The following LARP7 variants were observed in gnomAD, a reference collection of about 807,000 sequenced individuals.
LARP7 encodes La ribonucleoprotein 7, transcriptional regulator, also known as la-related protein 7.
LARP7 carries 52 observed loss-of-function variants against 69.3 expected under a neutral mutation model. That is an observed-to-expected ratio of 0.75 (90% CI 0.60 to 0.95). The LOEUF (loss-of-function observed/expected upper bound fraction) is 0.95, where lower values mean the gene tolerates loss of function less well. LARP7 is among the 40% of genes least tolerant of loss of function. LARP7 has a pLI of 0.00. For synonymous variants in LARP7, 254 were observed against 215.9 expected (o/e 1.18, Z -1.55); for missense variants, 733 against 673.0 (o/e 1.09, Z -0.99).
At chr4:112,644,945 C>CATT in intron 2 of LARP7, 74 bp downstream of exon 2, 1 of 165,084 alleles carries the variant, frequency 6.1e-6, no homozygotes, top group African/African-American at 3.5e-5. Flanking sequence ...ATAATATATT[C>CATT]TTTTTTTTTT....
intron 2 of LARP7, 44 bp from the exon 3 acceptor site, chr4:112,646,307 A>G: frequency 1.0e-6 from 1 of 989,568 alleles, no homozygotes. Context: ...AATTGAATTA[A>G]TCCTGCTGAT....
At chr4:112,637,668 T>TA (rs1483484735) in intron 1 of LARP7, 2 of 152,062 alleles carry the variant, frequency 1.3e-5, no homozygotes, top group Non-Finnish European at 2.9e-5. Flanking sequence ...CCTCAAAGAG[T>TA]AAAAAATCCA....
Position 112,657,354 on chromosome 4 carries a change from C to T in LARP7, c.*27C>T, listed in dbSNP as rs770441146. The T allele has an allele frequency of 1.6e-6, 2 of 1,221,588 alleles. No individual in the cohort carries two copies. The highest frequency in any genetic ancestry group is 2.3e-6 in the Non-Finnish European group (2 of 863,292). The allele number at this position is 1,221,588 out of a possible 1,614,324, so 75.7% of individuals were successfully genotyped here. A position where few individuals can be genotyped will look rare whatever the true frequency, so the allele number is the denominator to read the frequency against. ...AAAAAAAACAGTTCACCTCTTAATA[C>T]TTCACAAGATACTTGAGCTGTTCTT... On this transcript the variant is annotated 3_prime_UTR_variant, in exon 13 of 13. Transcript: ENST00000344442.
At chr4:112,648,477 T>C (rs1279988551) in intron 8 of LARP7, 6 of 533,848 alleles carry the variant, frequency 1.1e-5, no homozygotes, top group Non-Finnish European at 1.9e-5. Flanking sequence ...GAGAAGTAAA[T>C]TGGATTCACT....
At chr4:112,637,939 A>C (rs535121063) in intron 1 of LARP7, 1 of 152,272 alleles carries the variant, frequency 6.6e-6, no homozygotes, top group Non-Finnish European at 1.5e-5. Context: ...GTTGTGGCAC[A>C]CTTCTTTTGA....
chr4:112,649,546 T>C lies in LARP7; in HGVS notation c.1154T>C (p.Met385Thr). ...TTCTTTCCTTGTAGGAGCGAATGGATGGATTTGAAAAAAGAGTATTTAGCG... is the reference window on the plus strand; with the variant it reads ...TTCTTTCCTTGTAGGAGCGAATGGACGGATTTGAAAAAAGAGTATTTAGCG... ...PLRVLSKSEW[M>T]DLKKEYLALQ... Residue 385 changes from methionine (M) to threonine (T), a missense_variant, in exon 9 of 13, where the codon ATG (methionine) becomes ACG (threonine). By Grantham distance (81) the Met-to-Thr change is moderately conservative. Coordinates refer to ENST00000344442, the MANE Select transcript of LARP7 (RefSeq NM_016648.4). The C allele has an allele frequency of 6.3e-7, 1 of 1,598,960 alleles. No homozygotes were observed. The highest frequency in any genetic ancestry group is 1.1e-5 in the South Asian group (1 of 88,666).
chr4:112,639,316 T>A lies in LARP7; in HGVS notation c.-3+2077T>A, dbSNP rs552939280. 2.0e-5 allele frequency among the ~76,000 whole-genome samples: 3 copies of A among 152,052 alleles called. 1 individual carries two copies. In the South Asian group the frequency reaches 6.2e-4, roughly 32 times the overall value. On this transcript the variant is annotated intron_variant, in intron 1 of 12. Coordinates refer to ENST00000344442, the MANE Select transcript of LARP7 (RefSeq NM_016648.4). ...GCTCCGCCTCCCGGATTCACACCTT[T>A]CTCCTGCCTCAGCCTCCCAAGTAGC...
intron 1 of LARP7, 113 bp downstream of exon 1, chr4:112,637,352 C>G (rs6832995): frequency 6.6e-5 from 10 of 152,564 alleles, no homozygotes; most frequent in East Asian, 1.9e-4. Context: ...CCCCGCCCCC[C>G]CGTCCTGCAC....
chr4:112,640,051 G>A (rs1207865180), intron 1 of LARP7, among the ~76,000 whole-genome samples: 2 of 152,228 alleles, frequency 1.3e-5, no homozygotes, highest in East Asian at 3.9e-4. Context: ...CGATTCTCCT[G>A]CCTCAGCCTC....
chr4:112,651,348 A>G (rs776615267), intron 10 of LARP7, among the ~76,000 whole-genome samples: 3 of 152,154 alleles, frequency 2.0e-5, no homozygotes, highest in Non-Finnish European at 2.9e-5. Context: ...TATCTGAAAT[A>G]CTGTCCTACA....
chr4:112,647,172 G>A (rs75987826), intron 6 of LARP7, 27 bp from the exon 7 acceptor site: 2 of 1,592,224 alleles, frequency 1.3e-6, no homozygotes, highest in East Asian at 2.2e-5. Context: ...GAAGTAAGAT[G>A]AACTAATAAT....
At chr4:112,650,675 CA>C in intron 10 of LARP7, 93 bp downstream of exon 10, 2 of 1,322,658 alleles carry the variant, frequency 1.5e-6, no homozygotes, top group Non-Finnish European at 2.1e-6. Context: ...TAAAACAAAT[CA>C]AGTTAGAATT....
rs2048998959 is a variant in LARP7, at chr4:112,657,382, G to A, written c.*55G>A. On this transcript the variant is annotated 3_prime_UTR_variant, in exon 13 of 13. Coordinates refer to ENST00000344442, the MANE Select transcript of LARP7 (RefSeq NM_016648.4). ...CACAAGATACTTGAGCTGTTCTTGG[G>A]AGATTCACTTTTATTATGGTAGCAC... 3.5e-6 allele frequency: 3 copies of A among 861,794 alleles called. No homozygotes were observed. Among genetic ancestry groups the A allele is most frequent in the Admixed American group, 6.1e-5 (2 of 32,938 alleles). 53.4% of individuals were successfully genotyped at this position (861,794 alleles called of 1,614,324 possible). A position where few individuals can be genotyped will look rare whatever the true frequency, so the allele number is the denominator to read the frequency against.
chr4:112,641,267 A>G (rs372569679), intron 1 of LARP7, among the ~76,000 whole-genome samples: 14 of 152,216 alleles, frequency 9.2e-5, no homozygotes, highest in African/African-American at 3.4e-4. Flanking sequence ...GCACATGCCT[A>G]TAGTCCCAGC....
intron 12 of LARP7, 44 bp downstream of exon 12, chr4:112,654,203 A>C (rs1484181608): frequency 7.2e-7 from 1 of 1,383,998 alleles, no homozygotes; most frequent in Admixed American, 1.7e-5. Flanking sequence ...CTTTCCTTGA[A>C]CGTTTAATGC....
At chr4:112,639,483 G>A (rs2047871797) in intron 1 of LARP7, among the ~76,000 whole-genome samples, 1 of 151,834 alleles carries the variant, frequency 6.6e-6, no homozygotes, top group South Asian at 2.1e-4. Context: ...GCCCGCCTTG[G>A]CCTCCCAAAG....
intron 1 of LARP7, among the ~76,000 whole-genome samples, chr4:112,640,383 T>G (rs2047914672): frequency 6.6e-6 from 1 of 152,180 alleles, no homozygotes; most frequent in Non-Finnish European, 1.5e-5. Flanking sequence ...GTGTCTACAT[T>G]CTGGTGGGAT....
intron 8 of LARP7, chr4:112,648,270 AAGTT>A: frequency 1.9e-6 from 1 of 529,022 alleles, no homozygotes; most frequent in South Asian, 1.4e-5. Context: ...GTCTTGGAAA[AAGTT>A]AGAATCCTTT....
Position 112,646,597 on chromosome 4 carries a change from G to A in LARP7, c.313G>A (p.Glu105Lys), listed in dbSNP as rs760828030. Residue 105 changes from glutamate (E) to lysine (K), a missense_variant, in exon 4 of 13, where the codon GAA (glutamate) becomes AAA (lysine). Glu to Lys is a moderately conservative substitution (Grantham distance 56). Coordinates refer to ENST00000344442, the MANE Select transcript of LARP7 (RefSeq NM_016648.4). ...ATATACTATTTTAAAGCTTGATTTG[G>A]AAGGCACCAGAATCCGGAGGAAAAA... is the stretch of plus-strand genomic sequence containing the variant. ...RSSAVVELDL[E>K]GTRIRRKKPL... 15 of 1,586,640 alleles carry A rather than the reference G, an allele frequency of 9.5e-6. No homozygotes were observed. In the Admixed American group the frequency reaches 2.3e-4, roughly 24 times the overall value.
Sources: gnomAD v4.1 joint callset for allele counts (sites outside exome capture counted in the v4.1 genomes callset) on GRCh38, gnomAD v4.1.1 for gene constraint, MANE v1.5 for transcripts, NCBI Gene and HGNC (gene_info 2026-07-23, HGNC 2026-07-21) for gene names.